Variants in MYSM1 observed in about 807,000 individuals in gnomAD.
MYSM1 encodes the protein deubiquitinase MYSM1.
A neutral mutation model predicts 116.0 loss-of-function variants in MYSM1; 51 were observed. That is an observed-to-expected ratio of 0.44 (90% CI 0.35 to 0.56). The LOEUF (loss-of-function observed/expected upper bound fraction) is 0.56, where lower values mean the gene tolerates loss of function less well. Among genes scored for constraint, MYSM1 ranks in the 20% least tolerant of loss-of-function variants. The pLI is 0.00. For synonymous variants in MYSM1, 313 were observed against 315.2 expected, an observed-to-expected ratio of 0.99 and a Z score of 0.07; for missense variants, 900 against 974.9, an observed-to-expected ratio of 0.92 and a Z score of 1.02.
intron 19 of MYSM1, 108 bp downstream of exon 19, chr1:58,661,062 T>C: frequency 1.3e-6 from 1 of 785,572 alleles, no homozygotes; most frequent in East Asian, 2.6e-5. Flanking sequence ...ATAAAAGAAA[T>C]ATACAGAAAA....
At position 58,659,829 on chromosome 1, in the gene MYSM1, A is replaced by C; in HGVS notation, c.*168T>G. ...CTCTGATAATCACTATATGAAAACA[A>C]ATTTGTATCTCTTCCTTTTCACATG... is the stretch of plus-strand genomic sequence containing the variant. On this transcript the variant is annotated 3_prime_UTR_variant, in exon 20 of 20. Coordinates refer to ENST00000472487, the MANE Select transcript of MYSM1 (RefSeq NM_001085487.3). The C allele has an allele frequency of 1.9e-6, 1 of 529,300 alleles. No homozygotes were observed. Among genetic ancestry groups the C allele is most frequent in the Non-Finnish European group, 3.2e-6 (1 of 308,388 alleles). 32.8% of individuals were successfully genotyped at this position (529,300 alleles called of 1,614,324 possible). A position where few individuals can be genotyped will look rare whatever the true frequency, so the allele number is the denominator to read the frequency against.
chr1:58,698,873 A>C (rs1645022168), intron 1 of MYSM1, among the ~76,000 whole-genome samples: 1 of 152,194 alleles, frequency 6.6e-6, no homozygotes, highest in East Asian at 1.9e-4. Context: ...TTTAGAGTTC[A>C]TGATACACTT....
rs1175602931 is a variant in MYSM1 at position 58,657,329 on chromosome 1, T to G, written c.*2668A>C. On this transcript the variant is annotated 3_prime_UTR_variant, in exon 20 of 20. Transcript: ENST00000472487. ...AAGACACCTGCATGTCTTTAAGTCC[T>G]TTAGTCCTTTCTCCACTTCTGTAAA... 1 of 152,168 alleles carries G rather than the reference T, an allele frequency of 6.6e-6. No homozygotes were observed. The highest frequency in any genetic ancestry group is 6.6e-5 in the Admixed American group (1 of 15,264). 9.4% of individuals were successfully genotyped at this position (152,168 alleles called of 1,614,324 possible).
chr1:58,666,057 T>TAA (rs1312579597), intron 16 of MYSM1, among the ~76,000 whole-genome samples: 7 of 142,722 alleles, frequency 4.9e-5, no homozygotes, highest in African/African-American at 1.8e-4. Flanking sequence ...ACTATGTCTC[T>TAA]AAAAAAAAAA....
intron 3 of MYSM1, among the ~76,000 whole-genome samples, chr1:58,691,951 TTAAA>T (rs2100677223): frequency 6.6e-6 from 1 of 152,332 alleles, no homozygotes; most frequent in East Asian, 1.9e-4. Context: ...TTTATCTTGA[TTAAA>T]TGTTAAAATG....
intron 11 of MYSM1, among the ~76,000 whole-genome samples, chr1:58,672,256 C>T (rs1275226942): frequency 1.3e-5 from 2 of 152,110 alleles, no homozygotes; most frequent in African/African-American, 4.8e-5. Context: ...TCTTTTATTT[C>T]CCATTTCTAC....
At chr1:58,693,052 C>T (rs1477056274) in intron 2 of MYSM1, 121 bp from the exon 3 acceptor site, 1 of 734,696 alleles carries the variant, frequency 1.4e-6, no homozygotes, top group Non-Finnish European at 2.1e-6. Context: ...TTACTGAGCA[C>T]ACAGACATAT....
At chr1:58,682,681 T>C (rs1644765032) in intron 7 of MYSM1, 136 bp from the exon 8 acceptor site, 1 of 297,724 alleles carries the variant, frequency 3.4e-6, no homozygotes, top group Admixed American at 1.0e-4. Context: ...TCTAATGCGC[T>C]TTTCTTTTTT....
At chr1:58,685,057 A>T in intron 7 of MYSM1, 96 bp downstream of exon 7, 1 of 981,654 alleles carries the variant, frequency 1.0e-6, no homozygotes, top group Non-Finnish European at 1.5e-6. Context: ...AAAAACTTTT[A>T]CCAGTAAGAC....
In MYSM1 at chr1:58,665,634, A is replaced by G; in HGVS notation, c.2032-3T>C. On this transcript the variant is annotated splice_region_variant and splice_polypyrimidine_tract_variant and intron_variant, in intron 16 of 19. Transcript: ENST00000472487. ...GCACCTCCTCTGGAGAAGTAACTCTACAATGACAAGAAAAATATAATTAGT... is the reference window on the plus strand; with the variant it reads ...GCACCTCCTCTGGAGAAGTAACTCTGCAATGACAAGAAAAATATAATTAGT... 2 of 1,519,820 alleles carry G rather than the reference A, an allele frequency of 1.3e-6. No individual in the cohort carries two copies. Among genetic ancestry groups the G allele is most frequent in the Non-Finnish European group, 1.8e-6 (2 of 1,107,390 alleles). 94.1% of individuals were successfully genotyped at this position (1,519,820 alleles called of 1,614,324 possible).
At chr1:58,669,857 A>AACC (rs1553135838) in intron 12 of MYSM1, among the ~76,000 whole-genome samples, 1 of 86,060 alleles carries the variant, frequency 1.2e-5, no homozygotes. Context: ...AAAAAAAAAA[A>AACC]AAAAACAAAA....
chr1:58,677,519 ATT>A lies in MYSM1; in HGVS notation c.1260-465_1260-464del, dbSNP rs553235933. 4.8e-3 allele frequency among the ~76,000 whole-genome samples: 735 copies of A among 152,252 alleles called. 10 individuals carry two copies. Among genetic ancestry groups the A allele is most frequent in the African/African-American group, 0.016 (686 of 41,576 alleles). ...TCTTACAAATGCTTAAACATTTTAT[ATT>A]TGTTTTTAATTATGATGACAACAAA... is the stretch of plus-strand genomic sequence containing the variant. On this transcript the variant is annotated intron_variant, in intron 8 of 19. Coordinates refer to ENST00000472487, the MANE Select transcript of MYSM1 (RefSeq NM_001085487.3).
intron 1 of MYSM1, among the ~76,000 whole-genome samples, chr1:58,698,572 A>AAAAATT (rs10691262): frequency 0.4 from 60,847 of 151,666 alleles, 12,296 homozygotes; most frequent in Middle Eastern, 0.57. Context: ...ACACAATCAG[A>AAAAATT]AAGATAAATC....
At chr1:58,677,150 A>AT in intron 8 of MYSM1, 94 bp from the exon 9 acceptor site, 1 of 1,101,050 alleles carries the variant, frequency 9.1e-7, no homozygotes, top group East Asian at 2.5e-5. Flanking sequence ...ATATCTCTAA[A>AT]TTTTAACCCC....
In MYSM1 at chr1:58,682,069, C is replaced by T; in HGVS notation, c.975G>A (p.Lys325=). The change falls in exon 8 of 20, where the codon AAG becomes AAA. Residue 325 remains lysine (K), a synonymous_variant. Coordinates refer to ENST00000472487, the MANE Select transcript of MYSM1 (RefSeq NM_001085487.3). ...CAACTATTATTCCCCTTCCATCATG[C>T]TTGTTGCAGTTTTTAATCAATTCAT... ...KFNELIKNCN[K]HDGRGIIVDA... 5 of 1,614,114 alleles carry T rather than the reference C, an allele frequency of 3.1e-6. No homozygotes were observed. The highest frequency in any genetic ancestry group is 3.4e-6 in the Non-Finnish European group (4 of 1,180,012).
chr1:58,681,479 T>C (rs1473666198), intron 8 of MYSM1, among the ~76,000 whole-genome samples: 1 of 152,194 alleles, frequency 6.6e-6, no homozygotes, highest in Non-Finnish European at 1.5e-5. Flanking sequence ...ATTATTTCCC[T>C]TTTCCCGTGC....
At chr1:58,695,286 G>T in intron 1 of MYSM1, 79 bp from the exon 2 acceptor site, 1 of 882,218 alleles carries the variant, frequency 1.1e-6, no homozygotes, top group Non-Finnish European at 1.8e-6. Context: ...ACAGAATCCA[G>T]CAGGTAGTAA....
At chr1:58,681,687 A>T in intron 8 of MYSM1, 98 bp downstream of exon 8, 2 of 1,225,694 alleles carry the variant, frequency 1.6e-6, no homozygotes, top group Non-Finnish European at 2.2e-6. Context: ...AGTGATCTCT[A>T]GATTTACTAG....
rs1022795982 is a variant in MYSM1, at chr1:58,657,615, A to G, written c.*2382T>C. On this transcript the variant is annotated 3_prime_UTR_variant, in exon 20 of 20. Transcript: ENST00000472487. ...TAACCAAGTTTAACATACTAAAATTATACTGTCAAAAAAATGGGGAAGGAT... is the reference window on the plus strand; with the variant it reads ...TAACCAAGTTTAACATACTAAAATTGTACTGTCAAAAAAATGGGGAAGGAT... The G allele has an allele frequency of 6.6e-6, 1 of 152,234 alleles. No homozygotes were observed. The highest frequency in any genetic ancestry group is 2.4e-5 in the African/African-American group (1 of 41,472). The allele number at this position is 152,234 out of a possible 1,614,324, so 9.4% of individuals were successfully genotyped here. A position where few individuals can be genotyped will look rare whatever the true frequency, so the allele number is the denominator to read the frequency against.
Sources: gnomAD v4.1 joint callset for allele counts (sites outside exome capture counted in the v4.1 genomes callset) on GRCh38, gnomAD v4.1.1 for gene constraint, MANE v1.5 for transcripts, NCBI Gene and HGNC (gene_info 2026-07-23, HGNC 2026-07-21) for gene names.